NPAS3: variants seen among roughly 807,000 people sequenced by gnomAD.
NPAS3 encodes neuronal PAS domain protein 3.
A neutral mutation model predicts 73.1 loss-of-function variants in NPAS3; 14 were observed. That is an observed-to-expected ratio of 0.19 (90% confidence interval 0.13 to 0.30). NPAS3 has a LOEUF of 0.30. Ranked by LOEUF, NPAS3 falls within the 10% of genes least tolerant of loss-of-function variation. The pLI is 1.00. For synonymous variants in NPAS3, 620 were observed against 541.5 expected, an observed-to-expected ratio of 1.14 and a Z score of -2.01; for missense variants, 1,096 against 1,250.0, an observed-to-expected ratio of 0.88 and a Z score of 1.86.
chr14:33,080,668 A>G (rs2041837083), intron 2 of NPAS3, among the ~76,000 whole-genome samples: 1 of 152,200 alleles, frequency 6.6e-6, no homozygotes, highest in South Asian at 2.1e-4. Context: ...ATGAACAGAA[A>G]GTTTGAGGCA....
At chr14:33,091,448 T>A (rs1198150366) in intron 2 of NPAS3, among the ~76,000 whole-genome samples, 1 of 152,104 alleles carries the variant, frequency 6.6e-6, no homozygotes, top group Non-Finnish European at 1.5e-5. Context: ...AGGAAGAAGT[T>A]GAATCCCTGA....
intron 3 of NPAS3, among the ~76,000 whole-genome samples, chr14:33,360,540 A>G (rs933702736): frequency 6.6e-6 from 1 of 152,228 alleles, no homozygotes; most frequent in African/African-American, 2.4e-5. Flanking sequence ...TTTACATCCA[A>G]AAGCAATCCC....
intron 2 of NPAS3, among the ~76,000 whole-genome samples, chr14:33,067,660 A>G (rs1424187125): frequency 6.6e-6 from 1 of 152,222 alleles, no homozygotes; most frequent in Non-Finnish European, 1.5e-5. Context: ...AACAAAAACA[A>G]GCCCTTGTAT....
chr14:33,151,520 G>GT (rs1203569432), intron 2 of NPAS3, among the ~76,000 whole-genome samples: 3 of 152,268 alleles, frequency 2.0e-5, no homozygotes, highest in Non-Finnish European at 4.4e-5. Context: ...TATGCACACT[G>GT]TTTTTTACCT....
At position 33,789,395 on chromosome 14, in the gene NPAS3, G is replaced by A. The variant is rs79813281; in HGVS notation, c.1154-4502G>A. Among the ~76,000 whole-genome samples the A allele has an allele frequency of 1.3e-3, 204 of 152,198 alleles. 1 individual carries two copies. The highest frequency in any genetic ancestry group is 4.7e-3 in the African/African-American group (196 of 41,518). ...TGGTTACACCCTGGGCTTCAGAGGA[G>A]CAAGGAACATGTTCTTGTGTGCTAG... On this transcript the variant is annotated intron_variant, in intron 9 of 11. Coordinates refer to ENST00000356141, the Ensembl canonical transcript of NPAS3.
chr14:33,690,359 AC>A (rs1168705640), intron 6 of NPAS3, among the ~76,000 whole-genome samples: 2 of 152,028 alleles, frequency 1.3e-5, no homozygotes, highest in African/African-American at 2.4e-5. Context: ...GGCCATAGGT[AC>A]TATATATGGA....
chr14:32,946,346 G>GCACACACACACACACACA (rs5807694), intron 1 of NPAS3, among the ~76,000 whole-genome samples: 10 of 131,972 alleles, frequency 7.6e-5, no homozygotes, highest in African/African-American at 1.4e-4. Context: ...ACACACACAC[G>GCACACACACACACACACA]CGCACACACA....
At chr14:32,945,244 T>C (rs533860424) in intron 1 of NPAS3, among the ~76,000 whole-genome samples, 1 of 152,326 alleles carries the variant, frequency 6.6e-6, no homozygotes, top group Admixed American at 6.5e-5. Flanking sequence ...ACAAAGTGAT[T>C]AGAGGCTCCT....
intron 3 of NPAS3, among the ~76,000 whole-genome samples, chr14:33,301,322 A>T (rs1660078): frequency 0.26 from 26,250 of 100,058 alleles, 5,618 homozygotes; most frequent in Non-Finnish European, 0.31. Flanking sequence ...ATATATATAT[A>T]TTTTTTTTTT....
At chr14:33,115,086 CATT>C (rs138749791) in intron 2 of NPAS3, among the ~76,000 whole-genome samples, 3,967 of 152,120 alleles carry the variant, frequency 0.026, 62 homozygotes, top group Non-Finnish European at 0.039. Context: ...ACATCACTAA[CATT>C]ATTGAGTGCT....
At chr14:33,175,671 G>T (rs914460996) in intron 2 of NPAS3, among the ~76,000 whole-genome samples, 1 of 152,028 alleles carries the variant, frequency 6.6e-6, no homozygotes, top group Non-Finnish European at 1.5e-5. Context: ...ATAGTTGAGT[G>T]GAAAAAGTAA....
chr14:33,235,940 C>T (rs1171494861), intron 3 of NPAS3, among the ~76,000 whole-genome samples: 2 of 149,720 alleles, frequency 1.3e-5, no homozygotes, highest in Admixed American at 1.4e-4. Context: ...AGGTGTGCAT[C>T]CCCAAGTCTG....
At chr14:33,657,747 T>C (rs974292627) in intron 5 of NPAS3, among the ~76,000 whole-genome samples, 3 of 151,856 alleles carry the variant, frequency 2.0e-5, no homozygotes, top group African/African-American at 7.3e-5. Context: ...ATTTTTCACA[T>C]AAAATTGTTC....
chr14:33,332,529 T>C (rs2044032864), intron 3 of NPAS3, among the ~76,000 whole-genome samples: 1 of 152,194 alleles, frequency 6.6e-6, no homozygotes, highest in Non-Finnish European at 1.5e-5. Context: ...ACTGATCATT[T>C]GGGGCCAGGG....
chr14:33,606,556 C>A (rs2057573786), intron 5 of NPAS3, among the ~76,000 whole-genome samples: 1 of 151,058 alleles, frequency 6.6e-6, no homozygotes, highest in African/African-American at 2.4e-5. Flanking sequence ...CAGAAAAAAA[C>A]CCTTTGATCC....
intron 7 of NPAS3, among the ~76,000 whole-genome samples, chr14:33,760,703 A>T (rs976956533): frequency 1.0e-4 from 14 of 134,548 alleles, no homozygotes; most frequent in African/African-American, 4.2e-4. Context: ...TAAACCAAAC[A>T]AGTTAAAAAA....
At chr14:33,047,636 C>T (rs775828205) in intron 1 of NPAS3, among the ~76,000 whole-genome samples, 22 of 152,180 alleles carry the variant, frequency 1.4e-4, no homozygotes, top group Non-Finnish European at 2.9e-4. Context: ...AGTAGATGGT[C>T]ATCAGGAAAA....
At chr14:33,198,109 T>C (rs545169048) in intron 2 of NPAS3, among the ~76,000 whole-genome samples, 1 of 152,288 alleles carries the variant, frequency 6.6e-6, no homozygotes, top group Admixed American at 6.5e-5. Context: ...GGGGGGTTCG[T>C]GATCTCACTG....
intron 2 of NPAS3, among the ~76,000 whole-genome samples, chr14:33,113,606 T>C (rs935069191): frequency 1.2e-4 from 19 of 152,184 alleles, no homozygotes; most frequent in Non-Finnish European, 1.8e-4. Context: ...AATCATGTCA[T>C]CTGCAAACAG....
Sources: allele counts gnomAD v4.1 joint callset (sites outside exome capture counted in the v4.1 genomes callset), GRCh38; gene constraint gnomAD v4.1.1; transcripts MANE v1.5; gene names NCBI Gene and HGNC (gene_info 2026-07-23, HGNC 2026-07-21).